Variants in TAFA2 observed in about 807,000 individuals in gnomAD.
The protein encoded by TAFA2 is TAFA chemokine like family member 2, also known as chemokine-like protein TAFA-2.
TAFA2 carries 7 observed loss-of-function variants against 18.8 expected under a neutral mutation model. The ratio of observed to expected loss-of-function variants is 0.37; its 90% CI spans 0.21 to 0.70. The LOEUF (loss-of-function observed/expected upper bound fraction) is 0.70. Among genes scored for constraint, TAFA2 ranks in the 30% least tolerant of loss-of-function variants. TAFA2 has a pLI of 0.53. For missense variants in TAFA2, 122 were observed against 158.1 expected (o/e 0.77, Z 1.23); for synonymous variants, 60 against 54.2 (o/e 1.11, Z -0.47).
At chr12:61,878,845 A>G (rs1874981743) in intron 1 of TAFA2, among the ~76,000 whole-genome samples, 2 of 152,182 alleles carry the variant, frequency 1.3e-5, no homozygotes, top group African/African-American at 4.8e-5. Context: ...TTACTTTTGC[A>G]TAGTGCCATA....
Position 62,144,047 on chromosome 12 carries a change from TAAA to T in TAFA2, c.-2+47209_-2+47211del, listed in dbSNP as rs34514238. ...TGGGTGACAGAGTGAGACCCTATCTTAAAAAAAAAAAAAAAAAAAAAAAAGTCC... is the reference window on the plus strand; with the variant it reads ...TGGGTGACAGAGTGAGACCCTATCTTAAAAAAAAAAAAAAAAAAAAAGTCC... On this transcript the variant is annotated intron_variant, in intron 1 of 4. Coordinates refer to ENST00000416284, the MANE Select transcript of TAFA2 (RefSeq NM_178539.5). 7.7e-3 allele frequency among the ~76,000 whole-genome samples: 611 copies of T among 79,142 alleles called. 8 individuals carry two copies. Among genetic ancestry groups the T allele is most frequent in the African/African-American group, 0.026 (540 of 20,558 alleles). The allele number at this position is 79,142 out of a possible 152,430, so 51.9% of individuals were successfully genotyped here.
At chr12:62,019,542 C>T (rs1046543885) in intron 1 of TAFA2, among the ~76,000 whole-genome samples, 14 of 151,866 alleles carry the variant, frequency 9.2e-5, no homozygotes, top group African/African-American at 2.9e-4. Flanking sequence ...AAGCTGGAAA[C>T]CATCATTCTC....
intron 1 of TAFA2, among the ~76,000 whole-genome samples, chr12:62,176,716 C>T (rs1190227615): frequency 6.6e-6 from 1 of 152,016 alleles, no homozygotes; most frequent in East Asian, 1.9e-4. Context: ...TCAAAGAATG[C>T]TATGGATGTT....
intron 2 of TAFA2, among the ~76,000 whole-genome samples, chr12:61,782,275 T>C (rs915339354): frequency 2.0e-5 from 3 of 151,686 alleles, no homozygotes; most frequent in African/African-American, 7.3e-5. Flanking sequence ...ATAAAGACTA[T>C]GTTTGATAAG....
At chr12:62,237,635 A>C (rs757335179) in intron 1 of TAFA2, among the ~76,000 whole-genome samples, 1 of 152,146 alleles carries the variant, frequency 6.6e-6, no homozygotes, top group African/African-American at 2.4e-5. Context: ...AGAATAATTT[A>C]TTCTAGTCTT....
At chr12:61,820,435 C>T (rs1043916162) in intron 2 of TAFA2, among the ~76,000 whole-genome samples, 36 of 151,648 alleles carry the variant, frequency 2.4e-4, no homozygotes, top group African/African-American at 8.7e-4. Flanking sequence ...TAGTGTGGTA[C>T]GTATGTAACT....
chr12:61,958,826 G>A (rs1878785974), intron 1 of TAFA2, among the ~76,000 whole-genome samples: 1 of 151,860 alleles, frequency 6.6e-6, no homozygotes, highest in African/African-American at 2.4e-5. Flanking sequence ...TTTCTATATA[G>A]GTAACGGACT....
At chr12:61,770,956 A>G (rs912635077) in intron 2 of TAFA2, among the ~76,000 whole-genome samples, 1 of 152,118 alleles carries the variant, frequency 6.6e-6, no homozygotes, top group African/African-American at 2.4e-5. Context: ...GAATGGCAGA[A>G]TGGATAAGAA....
chr12:62,081,461 G>A (rs1003723324), intron 1 of TAFA2, among the ~76,000 whole-genome samples: 9 of 149,206 alleles, frequency 6.0e-5, no homozygotes, highest in African/African-American at 2.2e-4. Context: ...TCTTCAACTT[G>A]TTTTTTTTGT....
At chr12:62,028,750 G>A (rs1881374197) in intron 1 of TAFA2, among the ~76,000 whole-genome samples, 1 of 152,098 alleles carries the variant, frequency 6.6e-6, no homozygotes, top group African/African-American at 2.4e-5. Flanking sequence ...CCTGTTGTGA[G>A]GTAGAAGCCA....
At chr12:61,964,420 G>A (rs1878999770) in intron 1 of TAFA2, among the ~76,000 whole-genome samples, 1 of 151,636 alleles carries the variant, frequency 6.6e-6, no homozygotes, top group African/African-American at 2.4e-5. Flanking sequence ...TTTCCTCTGT[G>A]AGAAATCTCC....
intron 1 of TAFA2, among the ~76,000 whole-genome samples, chr12:61,948,702 T>C (rs3847912): frequency 0.074 from 11,211 of 152,202 alleles, 1,337 homozygotes; most frequent in African/African-American, 0.25. Flanking sequence ...AGCTTCGGGG[T>C]ATTGTAAATG....
chr12:61,770,120 T>A (rs1341451880), intron 2 of TAFA2, among the ~76,000 whole-genome samples: 1 of 151,730 alleles, frequency 6.6e-6, no homozygotes, highest in African/African-American at 2.4e-5. Context: ...AGCAATAGAA[T>A]TGAAGAAGTA....
chr12:62,131,568 AG>A (rs1404074830), intron 1 of TAFA2, among the ~76,000 whole-genome samples: 1 of 152,028 alleles, frequency 6.6e-6, no homozygotes, highest in African/African-American at 2.4e-5. Context: ...CCACTTTTGA[AG>A]AGTGGCCCTG....
chr12:62,159,542 C>T (rs1411783275), intron 1 of TAFA2, among the ~76,000 whole-genome samples: 1 of 152,130 alleles, frequency 6.6e-6, no homozygotes, highest in Non-Finnish European at 1.5e-5. Flanking sequence ...TAAATAAATG[C>T]TTGCATTTTC....
At chr12:61,746,228 C>T (rs1868702549) in intron 4 of TAFA2, among the ~76,000 whole-genome samples, 1 of 152,042 alleles carries the variant, frequency 6.6e-6, no homozygotes, top group African/African-American at 2.4e-5. Flanking sequence ...TGGCATTTCC[C>T]TTGCTTGCAC....
At chr12:62,170,055 G>A (rs77008092) in intron 1 of TAFA2, among the ~76,000 whole-genome samples, 3,919 of 151,966 alleles carry the variant, frequency 0.026, 177 homozygotes, top group African/African-American at 0.087. Flanking sequence ...ATTGCTTTCC[G>A]AGTTCCTTAA....
intron 1 of TAFA2, among the ~76,000 whole-genome samples, chr12:62,249,342 T>C (rs1475912535): frequency 2.0e-5 from 3 of 151,340 alleles, no homozygotes; most frequent in Non-Finnish European, 2.9e-5. Context: ...TGAGGGCAAC[T>C]AGAATCTGAT....
At chr12:62,044,596 A>G (rs1007862840) in intron 1 of TAFA2, among the ~76,000 whole-genome samples, 2 of 152,142 alleles carry the variant, frequency 1.3e-5, no homozygotes, top group African/African-American at 2.4e-5. Flanking sequence ...TTTTCAACTC[A>G]GGCTCCTGCT....
Sources: allele counts gnomAD v4.1 joint callset (sites outside exome capture counted in the v4.1 genomes callset), GRCh38; gene constraint gnomAD v4.1.1; transcripts MANE v1.5; gene names NCBI Gene and HGNC (gene_info 2026-07-23, HGNC 2026-07-21).